ZFYVE26: variants seen among roughly 807,000 people sequenced by gnomAD.
The protein encoded by ZFYVE26 is zinc finger FYVE domain-containing protein 26.
A neutral mutation model predicts 276.5 loss-of-function variants in ZFYVE26; 181 were observed. The observed-to-expected ratio is 0.65, with a 90% CI of 0.58 to 0.74. ZFYVE26 has a LOEUF of 0.74. ZFYVE26 is among the 30% of genes least tolerant of loss of function. The pLI is 0.00. For synonymous variants in ZFYVE26, 1,129 were observed against 1,203.1 expected, an observed-to-expected ratio of 0.94 and a Z score of 1.27; for missense variants, 2,821 against 3,097.9, an observed-to-expected ratio of 0.91 and a Z score of 2.12.
intron 40 of ZFYVE26, chr14:67,751,395 T>C (rs545603088): frequency 1.4e-5 from 7 of 488,012 alleles, no homozygotes; most frequent in African/African-American, 1.2e-4. Flanking sequence ...GGTCACCAAA[T>C]GGATCATGAA....
intron 13 of ZFYVE26, among the ~76,000 whole-genome samples, chr14:67,739,304 G>A (rs1000868208): frequency 1.3e-5 from 2 of 152,172 alleles, no homozygotes; most frequent in East Asian, 1.9e-4. Context: ...CGCCGAGGGT[G>A]GTGAAAGGAA....
At chr14:67,803,965 G>T (rs1003219666) in intron 9 of ZFYVE26, 136 bp downstream of exon 9, 2 of 1,127,418 alleles carry the variant, frequency 1.8e-6, no homozygotes, top group African/African-American at 1.5e-5. Context: ...GACAAACAGT[G>T]CTCATTTAGA....
In ZFYVE26 at chr14:67,751,094, C is replaced by G; in HGVS notation, c.7374G>C (p.Glu2458Asp). Residue 2458 changes from glutamate (E) to aspartate (D), a missense_variant and splice_region_variant, in exon 41 of 42, where the codon GAG (glutamate) becomes GAC (aspartate). Physicochemically the swap from Glu to Asp is conservative, Grantham distance 45. Transcript: ENST00000347230. ...GTATTGCCTGGATCAGGCCCTCCAG[C>G]TCCTGTGCAGAACAGAAACAGCACT... ...LEAFKRIPPQ[E>D]LEGLIQAIHN... is the part of the protein sequence containing the mutation. 1 of 1,614,224 alleles carries G rather than the reference C, an allele frequency of 6.2e-7. No individual in the cohort carries two copies. The highest frequency in any genetic ancestry group is 8.5e-7 in the Non-Finnish European group (1 of 1,180,042).
chr14:67,752,365 C>T lies in ZFYVE26; in HGVS notation c.7350G>A (p.Ala2450=), dbSNP rs370775301. ...GTACCTGGGGCGGAATTCTCTTGAA[C>T]GCTTCCAGGCAGTTGAGGAGGATGG... is the stretch of plus-strand genomic sequence containing the variant. ...GDTILLNCLE[A]FKRIPPQELE... Residue 2450 remains alanine, a synonymous_variant, in exon 40 of 42, where the codon GCG becomes GCA. Transcript: ENST00000347230. 1.9e-5 allele frequency: 31 copies of T among 1,611,250 alleles called. No homozygotes were observed. The highest frequency in any genetic ancestry group is 1.1e-4 in the African/African-American group (8 of 74,866).
At chr14:67,758,886 C>T (rs1013117701) in intron 35 of ZFYVE26, among the ~76,000 whole-genome samples, 2 of 152,134 alleles carry the variant, frequency 1.3e-5, no homozygotes, top group African/African-American at 2.4e-5. Flanking sequence ...CCACCTGCCT[C>T]AGCCTCCCAA....
Position 67,771,957 on chromosome 14 carries a change from G to A in ZFYVE26, c.5484+90C>T, listed in dbSNP as rs949703411. 6.0e-6 allele frequency: 9 copies of A among 1,496,424 alleles called. No individual in the cohort carries two copies. The African/African-American group carries it at 8.3e-5, about 14-fold the overall frequency. 92.7% of individuals were successfully genotyped at this position (1,496,424 alleles called of 1,614,324 possible). ...TCTGAAAATACCGATATTCTCCTGGGGACAGGCGGTGATTGTAAACTCAGG... is the reference window on the plus strand; with the variant it reads ...TCTGAAAATACCGATATTCTCCTGGAGACAGGCGGTGATTGTAAACTCAGG... On this transcript the variant is annotated intron_variant, in intron 28 of 41. Transcript: ENST00000347230.
intron 32 of ZFYVE26, among the ~76,000 whole-genome samples, chr14:67,765,892 GA>G (rs1246318068): frequency 6.6e-6 from 1 of 152,188 alleles, no homozygotes; most frequent in African/African-American, 2.4e-5. Flanking sequence ...TTAAAAGCCA[GA>G]AAGTCCCACA....
At chr14:67,746,066 C>T (rs996913854), downstream of ZFYVE26, among the ~76,000 whole-genome samples, 23 of 150,988 alleles carry the variant, frequency 1.5e-4, no homozygotes, top group Admixed American at 1.2e-3. Flanking sequence ...TCTGTAGTGG[C>T]GAAAGATGGC....
At chr14:67,764,342 T>G (rs1056124428) in intron 32 of ZFYVE26, among the ~76,000 whole-genome samples, 18 of 152,176 alleles carry the variant, frequency 1.2e-4, no homozygotes, top group Non-Finnish European at 1.5e-5. Context: ...ACTCATAATA[T>G]TTTTGCATAT....
intron 40 of ZFYVE26, among the ~76,000 whole-genome samples, chr14:67,751,861 CAAA>C (rs5809363): frequency 7.1e-6 from 1 of 140,732 alleles, no homozygotes; most frequent in African/African-American, 2.6e-5. Context: ...GACTCTGTCT[CAAA>C]AAAAAAAAAG....
chr14:67,768,617 C>T, intron 29 of ZFYVE26, 69 bp from the exon 30 acceptor site: 1 of 1,487,670 alleles, frequency 6.7e-7, no homozygotes, highest in Non-Finnish European at 9.4e-7. Flanking sequence ...GCTTCGTAGA[C>T]AGCATCAACT....
intron 13 of ZFYVE26, chr14:67,733,935 C>T (rs1212731811): frequency 1.9e-5 from 19 of 992,276 alleles, no homozygotes; most frequent in Admixed American, 3.8e-5. Flanking sequence ...AAGGATTGTC[C>T]TCTTGGCCAG....
At chr14:67,793,930 T>G (rs941166892) in intron 13 of ZFYVE26, among the ~76,000 whole-genome samples, 171 bp from the exon 14 acceptor site, 1 of 152,220 alleles carries the variant, frequency 6.6e-6, no homozygotes, top group African/African-American at 2.4e-5. Context: ...CTACCATCTT[T>G]GAATAGAAGA....
At position 67,775,814 on chromosome 14, in the gene ZFYVE26, A is replaced by G. The variant is rs747164760; in HGVS notation, c.5221+46T>C. ...ATTAAAACTAAGAATGCAGCATGGC[A>G]TTTCTTCCTCCATGTAGAATCCCCT... On this transcript the variant is annotated intron_variant, in intron 26 of 41. Transcript: ENST00000347230. 8.1e-6 allele frequency: 13 copies of G among 1,613,550 alleles called. No individual in the cohort carries two copies. In the Admixed American group the frequency reaches 2.0e-4, roughly 25 times the overall value.
Position 67,815,980 on chromosome 14 carries a change from G to A in ZFYVE26, c.-17C>T, listed in dbSNP as rs772090710. On this transcript the variant is annotated 5_prime_UTR_variant, in exon 2 of 42. Transcript: ENST00000347230. ...ATGATTCATTTTCCCAGCACAGAGT[G>A]CAGGGAGATACAAAGAAATGAGTTA... The A allele has an allele frequency of 6.3e-7, 1 of 1,597,162 alleles. No homozygotes were observed. Among genetic ancestry groups the A allele is most frequent in the Non-Finnish European group, 8.5e-7 (1 of 1,171,986 alleles).
intron 35 of ZFYVE26, among the ~76,000 whole-genome samples, chr14:67,756,999 G>T (rs1421618302): frequency 6.6e-6 from 1 of 152,000 alleles, no homozygotes; most frequent in African/African-American, 2.4e-5. Flanking sequence ...TAGTTGTTCA[G>T]GTCAAAAACC....
intron 23 of ZFYVE26, among the ~76,000 whole-genome samples, chr14:67,778,908 TCTG>T (rs2039423296): frequency 1.3e-5 from 2 of 152,222 alleles, no homozygotes; most frequent in East Asian, 3.8e-4. Context: ...GCTCCCACAA[TCTG>T]AGCTTACTTC....
chr14:67,760,194 G>A (rs1312991274), intron 35 of ZFYVE26, among the ~76,000 whole-genome samples: 2 of 152,080 alleles, frequency 1.3e-5, no homozygotes, highest in Non-Finnish European at 2.9e-5. Flanking sequence ...ATTTGTGCCT[G>A]GGAAAAGCAT....
intron 13 of ZFYVE26, chr14:67,734,115 G>T: frequency 2.8e-6 from 1 of 355,954 alleles, no homozygotes; most frequent in Non-Finnish European, 5.5e-6. Flanking sequence ...GGACTGGGCA[G>T]ATCCCAGGCT....
Sources: allele counts gnomAD v4.1 joint callset (sites outside exome capture counted in the v4.1 genomes callset), GRCh38; gene constraint gnomAD v4.1.1; transcripts MANE v1.5; gene names NCBI Gene and HGNC (gene_info 2026-07-23, HGNC 2026-07-21).